LUZP2: variants seen among roughly 807,000 people sequenced by gnomAD.
LUZP2 encodes the protein leucine zipper protein 2.
In LUZP2, 52 loss-of-function variants were observed where a neutral mutation model predicts 51.6. That is an observed-to-expected ratio of 1.01 (90% CI 0.81 to 1.27). The LOEUF (loss-of-function observed/expected upper bound fraction) is 1.27, where lower values mean the gene tolerates loss of function less well. LUZP2 is among the 50% of genes most tolerant of loss of function. The pLI is 0.00. For missense variants in LUZP2, 436 were observed against 395.4 expected (o/e 1.10, Z -0.87); for synonymous variants, 154 against 137.3 (o/e 1.12, Z -0.85).
chr11:24,903,618 AC>A lies in LUZP2; in HGVS notation c.397-2371del, dbSNP rs139312564. Among the ~76,000 whole-genome samples, 971 of 152,246 alleles carry A rather than the reference AC, an allele frequency of 6.4e-3. 11 individuals carry two copies. Among genetic ancestry groups the A allele is most frequent in the African/African-American group, 0.022 (930 of 41,540 alleles). ...GTTATTGCGTATAATATGTACTTGTACCAGGACACTGTCCACTCCTCTAGAG... is the reference window on the plus strand; with the variant it reads ...GTTATTGCGTATAATATGTACTTGTACAGGACACTGTCCACTCCTCTAGAG... On this transcript the variant is annotated intron_variant, in intron 5 of 11. Transcript: ENST00000336930.
chr11:24,736,473 TTCCTTCCTTCCTTCCTTCC>T (rs1858942341), intron 3 of LUZP2, among the ~76,000 whole-genome samples: 1 of 1,372 alleles, frequency 7.3e-4, no homozygotes, highest in Admixed American at 0.026. Flanking sequence ...ATGTAGGTCC[TTCCTTCCTTCCTTCCTTCC>T]TTCCTTCCTT....
rs1855423462 is a variant in LUZP2, at chr11:24,961,971, T to C, written c.523-14620T>C. 2.6e-5 allele frequency among the ~76,000 whole-genome samples: 4 copies of C among 152,034 alleles called. No individual in the cohort carries two copies. The South Asian group carries it at 8.3e-4, about 32-fold the overall frequency. On this transcript the variant is annotated intron_variant, in intron 7 of 11. Transcript: ENST00000336930. ...GTGACAAAATCTCTCAGCATTTGCT[T>C]GTCTGTAAAGTATTTTATTTCTCCT...
At position 24,507,583 on chromosome 11, in the gene LUZP2, A is replaced by G. The variant is rs557992926; in HGVS notation, c.62+10278A>G. Among the ~76,000 whole-genome samples, 451 of 152,188 alleles carry G rather than the reference A, an allele frequency of 3.0e-3. 7 individuals carry two copies. Among genetic ancestry groups the G allele is most frequent in the African/African-American group, 0.011 (437 of 41,546 alleles). On this transcript the variant is annotated intron_variant, in intron 1 of 11. Transcript: ENST00000336930. ...AGTGTATTTAGAAAATATGAGACAA[A>G]AGGTGAAATGTCTGAGATAAACTAC... is the stretch of plus-strand genomic sequence containing the variant.
chr11:25,048,814 T>C (rs1403443005), intron 9 of LUZP2, among the ~76,000 whole-genome samples: 4 of 151,356 alleles, frequency 2.6e-5, no homozygotes, highest in Non-Finnish European at 5.9e-5. Flanking sequence ...TATTTACTTT[T>C]TATTTATTTA....
At chr11:24,737,522 A>T (rs979398861) in intron 3 of LUZP2, among the ~76,000 whole-genome samples, 1 of 148,688 alleles carries the variant, frequency 6.7e-6, no homozygotes, top group African/African-American at 2.4e-5. Flanking sequence ...CAAGGCACAG[A>T]AAGATAATAT....
chr11:24,741,254 G>A (rs999199629), intron 4 of LUZP2, among the ~76,000 whole-genome samples: 2 of 151,910 alleles, frequency 1.3e-5, no homozygotes, highest in African/African-American at 4.8e-5. Flanking sequence ...TACAAATGGT[G>A]TCTTTATGGG....
At chr11:24,684,897 C>A (rs1856850825) in intron 1 of LUZP2, among the ~76,000 whole-genome samples, 1 of 152,310 alleles carries the variant, frequency 6.6e-6, no homozygotes, top group African/African-American at 2.4e-5. Flanking sequence ...TTAAAAGTTA[C>A]CTCCATGCAG....
chr11:24,643,640 T>G (rs1160153516), intron 1 of LUZP2, among the ~76,000 whole-genome samples: 1 of 152,174 alleles, frequency 6.6e-6, no homozygotes, highest in Non-Finnish European at 1.5e-5. Flanking sequence ...AATAATAAGT[T>G]GTGTTAAATT....
At chr11:25,022,148 G>C (rs1195543809) in intron 9 of LUZP2, among the ~76,000 whole-genome samples, 2 of 151,906 alleles carry the variant, frequency 1.3e-5, no homozygotes, top group African/African-American at 4.8e-5. Context: ...TTTGCTTGGG[G>C]GAAACTTGAC....
intron 6 of LUZP2, among the ~76,000 whole-genome samples, chr11:24,910,387 G>C (rs1048302654): frequency 6.6e-6 from 1 of 152,190 alleles, no homozygotes; most frequent in Admixed American, 6.5e-5. Context: ...CTTCATGGCA[G>C]CCCTTCCCAT....
intron 1 of LUZP2, among the ~76,000 whole-genome samples, chr11:24,576,519 G>A (rs1852656863): frequency 6.6e-6 from 1 of 150,394 alleles, no homozygotes; most frequent in South Asian, 2.1e-4. Flanking sequence ...TATTACAAAA[G>A]TTAACTTATA....
At chr11:24,967,399 G>A (rs1398076571) in intron 7 of LUZP2, among the ~76,000 whole-genome samples, 1 of 151,628 alleles carries the variant, frequency 6.6e-6, no homozygotes, top group Admixed American at 6.6e-5. Context: ...GTAATGTTTT[G>A]TAATTTTCAA....
At chr11:24,855,291 A>G (rs1851525114) in intron 5 of LUZP2, among the ~76,000 whole-genome samples, 1 of 152,202 alleles carries the variant, frequency 6.6e-6, no homozygotes, top group Non-Finnish European at 1.5e-5. Context: ...AGGATACAAA[A>G]TAAACCTATA....
intron 7 of LUZP2, among the ~76,000 whole-genome samples, chr11:24,940,783 ATTC>A (rs1337571368): frequency 1.3e-5 from 2 of 152,100 alleles, no homozygotes; most frequent in Non-Finnish European, 2.9e-5. Flanking sequence ...AGCTTTTCCT[ATTC>A]TTGAGTGAGT....
At chr11:25,019,656 A>G (rs2133972210) in intron 9 of LUZP2, among the ~76,000 whole-genome samples, 1 of 152,250 alleles carries the variant, frequency 6.6e-6, no homozygotes, top group South Asian at 2.1e-4. Context: ...AGCATTTAAT[A>G]TAGAACTTTT....
chr11:24,972,484 G>T (rs185781236), intron 7 of LUZP2, among the ~76,000 whole-genome samples: 3 of 152,010 alleles, frequency 2.0e-5, no homozygotes, highest in African/African-American at 7.2e-5. Context: ...ATTAATAAGG[G>T]GTAAAAACTA....
intron 1 of LUZP2, among the ~76,000 whole-genome samples, chr11:24,674,336 G>A (rs1353323179): frequency 6.6e-6 from 1 of 152,014 alleles, no homozygotes; most frequent in East Asian, 1.9e-4. Context: ...TTCATCCTTT[G>A]GGTACTTTTA....
chr11:24,949,085 A>G (rs1002094999), intron 7 of LUZP2, among the ~76,000 whole-genome samples: 1 of 151,664 alleles, frequency 6.6e-6, no homozygotes, highest in Non-Finnish European at 1.5e-5. Context: ...GAATCCAAAC[A>G]TCTGAAAACT....
Position 25,078,590 on chromosome 11 carries a change from AAAAAAGCCCCAG to A in LUZP2, c.979_990del (p.Ala327_Lys330del), listed in dbSNP as rs1396334655. 7 of 1,612,358 alleles carry A rather than the reference AAAAAAGCCCCAG, an allele frequency of 4.3e-6. No homozygotes were observed. The highest frequency in any genetic ancestry group is 5.9e-6 in the Non-Finnish European group (7 of 1,179,478). On this transcript the variant is annotated inframe_deletion, in exon 12 of 12. Coordinates refer to ENST00000336930, the MANE Select transcript of LUZP2 (RefSeq NM_001009909.4). ...GCCTCCTTGCTCTGAATGTGAGGTG[AAAAAAGCCCCAG>A]AAAAACCATTGACCAGCTTTGAAGG...
Sources: gnomAD v4.1 joint callset for allele counts (sites outside exome capture counted in the v4.1 genomes callset) on GRCh38, gnomAD v4.1.1 for gene constraint, MANE v1.5 for transcripts, NCBI Gene and HGNC (gene_info 2026-07-23, HGNC 2026-07-21) for gene names.